Variants in NUP210 observed in about 807,000 individuals in gnomAD.
NUP210 encodes the protein nuclear pore membrane glycoprotein 210.
Under a neutral mutation model 196.0 loss-of-function variants are expected in NUP210, and 151 were observed. The ratio of observed to expected loss-of-function variants is 0.77; its 90% CI spans 0.67 to 0.88. NUP210 has a LOEUF of 0.88. Among genes scored for constraint, NUP210 ranks in the 40% least tolerant of loss-of-function variants. NUP210 has a pLI of 0.00. For synonymous variants in NUP210, 1,070 were observed against 1,052.7 expected (o/e 1.02, Z -0.32); for missense variants, 2,314 against 2,493.7 (o/e 0.93, Z 1.53).
intron 1 of NUP210, among the ~76,000 whole-genome samples, chr3:13,407,896 A>C (rs973066556): frequency 6.6e-6 from 1 of 152,196 alleles, no homozygotes; most frequent in Non-Finnish European, 1.5e-5. Flanking sequence ...CTCTATCTTC[A>C]CGGAGCTTTC....
chr3:13,375,488 G>C lies in NUP210; in HGVS notation c.1431+16C>G. The C allele has an allele frequency of 6.2e-7, 1 of 1,611,622 alleles. No homozygotes were observed. Among genetic ancestry groups the C allele is most frequent in the African/African-American group, 1.3e-5 (1 of 74,992 alleles). ...ACACCAAAGGAATGCACGCAGAGGT[G>C]AGGGGTCTCACGTACCCTTATTGTG... On this transcript the variant is annotated intron_variant, in intron 11 of 39. Coordinates refer to ENST00000254508, the MANE Select transcript of NUP210 (RefSeq NM_024923.4).
At chr3:13,335,384 C>G in intron 28 of NUP210, 70 bp downstream of exon 28, 1 of 1,548,804 alleles carries the variant, frequency 6.5e-7, no homozygotes, top group Non-Finnish European at 8.8e-7. Flanking sequence ...CAACATGTGG[C>G]CCCGAAGGAA....
In NUP210 at chr3:13,386,476, G is replaced by C. The variant is rs1699279714; in HGVS notation, c.685-69C>G. Reference sequence around the variant, plus strand: ...AATGGGGAAGTGGTGGTGTGAGCAAGAGAAAGAGATGTTTTAAACATGGGA... The same window carrying C: ...AATGGGGAAGTGGTGGTGTGAGCAACAGAAAGAGATGTTTTAAACATGGGA... On this transcript the variant is annotated intron_variant, in intron 5 of 39. Transcript: ENST00000254508. 7.0e-6 allele frequency: 11 copies of C among 1,568,552 alleles called. No homozygotes were observed. In the South Asian group the frequency reaches 1.2e-4, roughly 18 times the overall value.
At chr3:13,335,385 C>G in intron 28 of NUP210, 69 bp downstream of exon 28, 1 of 1,553,424 alleles carries the variant, frequency 6.4e-7, no homozygotes, top group Non-Finnish European at 8.8e-7. Flanking sequence ...AACATGTGGC[C>G]CCGAAGGAAG....
At chr3:13,324,832 AG>A (rs1171749010) in intron 33 of NUP210, among the ~76,000 whole-genome samples, 1 of 152,234 alleles carries the variant, frequency 6.6e-6, no homozygotes, top group Non-Finnish European at 1.5e-5. Flanking sequence ...CAGCAGCAGC[AG>A]CAGCTAATTT....
intron 18 of NUP210, among the ~76,000 whole-genome samples, chr3:13,353,340 G>C (rs1330988702): frequency 6.6e-6 from 1 of 152,282 alleles, no homozygotes; most frequent in South Asian, 2.1e-4. Context: ...GGCTATTCTT[G>C]AGAAGCCCTT....
intron 11 of NUP210, among the ~76,000 whole-genome samples, chr3:13,374,649 C>A (rs1204640399): frequency 6.6e-6 from 1 of 152,226 alleles, no homozygotes. Flanking sequence ...GTGGGACGAA[C>A]CCTTGGTCAC....
Position 13,350,850 on chromosome 3 carries a change from G to T in NUP210, c.2835+1029C>A, listed in dbSNP as rs1697947588. ...TGGGAATACAGGCGCCCGCCACTAC[G>T]CCTGGCTAATTTTTTTTTTTTGTAT... On this transcript the variant is annotated intron_variant, in intron 20 of 39. Transcript: ENST00000254508. This position sits in a 1 kb window ranked among gnomAD's most constrained non-coding sequence, Gnocchi z 4.1. Among the ~76,000 whole-genome samples, 1 of 151,688 alleles carries T rather than the reference G, an allele frequency of 6.6e-6. No individual in the cohort carries two copies. The highest frequency in any genetic ancestry group is 2.4e-5 in the African/African-American group (1 of 41,302).
At chr3:13,359,821 G>A (rs1396825273) in intron 15 of NUP210, among the ~76,000 whole-genome samples, 1 of 152,108 alleles carries the variant, frequency 6.6e-6, no homozygotes, top group Non-Finnish European at 1.5e-5. Flanking sequence ...TTGGTTTTCA[G>A]CATTAAAAAA....
intron 33 of NUP210, among the ~76,000 whole-genome samples, chr3:13,325,102 G>C (rs1306896156): frequency 6.6e-6 from 1 of 152,138 alleles, no homozygotes; most frequent in African/African-American, 2.4e-5. Flanking sequence ...CACAAAGCCA[G>C]ACCATGCTTC....
At chr3:13,384,808 G>A (rs990409795) in intron 6 of NUP210, among the ~76,000 whole-genome samples, 3 of 152,166 alleles carry the variant, frequency 2.0e-5, no homozygotes, top group African/African-American at 7.2e-5. Context: ...TTAGGCTGCT[G>A]TCCTCAGAAC....
At chr3:13,332,187 A>C in intron 29 of NUP210, 106 bp downstream of exon 29, 2 of 883,546 alleles carry the variant, frequency 2.3e-6, no homozygotes, top group African/African-American at 1.6e-5. Flanking sequence ...CAGCAGGAGA[A>C]AACCTCCCTG....
Position 13,377,521 on chromosome 3 carries a change from C to T in NUP210, c.1087G>A (p.Gly363Ser), listed in dbSNP as rs183574586. ...HPGDRWVLET[G>S]RLYEITIEVF... ...TCGATGGTGATTTCATACAGGCGGC[C>T]GGTCTCCAGCACCCACCTGTCACCA... The change falls in exon 9 of 40, where the codon GGC (glycine) becomes AGC (serine). Residue 363 changes from glycine to serine, a missense_variant. Gly to Ser is a moderately conservative substitution (Grantham distance 56, BLOSUM62 0). Coordinates refer to ENST00000254508, the MANE Select transcript of NUP210 (RefSeq NM_024923.4). The T allele has an allele frequency of 9.3e-6, 15 of 1,613,864 alleles. No homozygotes were observed. Among genetic ancestry groups the T allele is most frequent in the East Asian group, 8.9e-5 (4 of 44,876 alleles).
intron 1 of NUP210, among the ~76,000 whole-genome samples, chr3:13,403,668 C>T (rs1699913700): frequency 6.6e-6 from 1 of 152,178 alleles, no homozygotes; most frequent in Non-Finnish European, 1.5e-5. Context: ...CTGACCCCTG[C>T]CCAGGCTCTA....
Position 13,348,406 on chromosome 3 carries a change from G to T in NUP210, c.2835+3473C>A. 2 of 985,442 alleles carry T rather than the reference G, an allele frequency of 2.0e-6. No individual in the cohort carries two copies. Among genetic ancestry groups the T allele is most frequent in the South Asian group, 9.4e-5 (2 of 21,294 alleles). The allele number at this position is 985,442 out of a possible 1,614,324, so 61.0% of individuals were successfully genotyped here. On this transcript the variant is annotated intron_variant, in intron 20 of 39. Transcript: ENST00000254508. This position sits in a 1 kb window ranked among gnomAD's most constrained non-coding sequence, Gnocchi z 4.0. ...CCCTCAGAGCTTGCACAGAATGACA[G>T]GTGCAAGGTAAATGTGAATGAGAGT...
chr3:13,335,690 C>T, intron 27 of NUP210, 78 bp from the exon 28 acceptor site: 1 of 1,466,044 alleles, frequency 6.8e-7, no homozygotes, highest in South Asian at 1.3e-5. Context: ...CGGACAGTAG[C>T]CCCAGACCCC....
In NUP210 at chr3:13,388,472, G is replaced by T. The variant is rs1699358841; in HGVS notation, c.534-19C>A. The stretch of plus-strand genomic sequence containing the variant: ...GAGGATTCTGGAAAAGGAGCACGTT[G>T]TCAAAGTTTGTTGATCAAACCCCAA... On this transcript the variant is annotated intron_variant, in intron 4 of 39. Transcript: ENST00000254508. 2 of 1,581,468 alleles carry T rather than the reference G, an allele frequency of 1.3e-6. No homozygotes were observed. Among genetic ancestry groups the T allele is most frequent in the Non-Finnish European group, 1.7e-6 (2 of 1,165,098 alleles).
Position 13,360,207 on chromosome 3 carries a change from T to C in NUP210, c.2154+63A>G, listed in dbSNP as rs529092025. On this transcript the variant is annotated intron_variant, in intron 15 of 39. Coordinates refer to ENST00000254508, the MANE Select transcript of NUP210 (RefSeq NM_024923.4). The stretch of plus-strand genomic sequence containing the variant: ...CTCCAAGGAGTAAATAAAACAATAC[T>C]GAGAGAGTCATTTTCCACCCCTGCC... 4.8e-5 allele frequency: 66 copies of C among 1,369,316 alleles called. No homozygotes were observed. In the South Asian group the frequency reaches 7.5e-4, roughly 16 times the overall value. 84.8% of individuals were successfully genotyped at this position (1,369,316 alleles called of 1,614,324 possible).
chr3:13,388,377 C>T lies in NUP210; in HGVS notation c.610G>A (p.Asp204Asn). ...SEMEKAAKQG[D>N]TILVSGMKTG... ...TTCATCCCAGACACCAGGATGGTGT[C>T]CCCTTGCTTGGCAGCCTTCTCCATC... The change falls in exon 5 of 40, where the codon GAC becomes AAC. Residue 204 changes from aspartate (D) to asparagine (N), a missense_variant. Asp to Asn is a conservative substitution (Grantham distance 23, BLOSUM62 1). Transcript: ENST00000254508. 1.9e-6 allele frequency: 3 copies of T among 1,612,588 alleles called. No individual in the cohort carries two copies. Among genetic ancestry groups the T allele is most frequent in the Non-Finnish European group, 2.5e-6 (3 of 1,179,316 alleles).
Sources: allele counts gnomAD v4.1 joint callset (sites outside exome capture counted in the v4.1 genomes callset), GRCh38; gene constraint gnomAD v4.1.1; non-coding constraint Gnocchi (gnomAD v3.1); transcripts MANE v1.5; gene names NCBI Gene and HGNC (gene_info 2026-07-23, HGNC 2026-07-21).